Variants in BRAF observed in about 807,000 individuals in gnomAD.
BRAF encodes serine/threonine-protein kinase B-raf.
BRAF carries 16 observed loss-of-function variants against 104.6 expected under a neutral mutation model. That is an observed-to-expected ratio of 0.15 (90% CI 0.10 to 0.23). BRAF has a LOEUF of 0.23. Ranked by LOEUF, BRAF falls within the 10% of genes least tolerant of loss-of-function variation. BRAF has a pLI of 1.00. For missense variants in BRAF, 541 were observed against 937.3 expected (o/e 0.58, Z 5.52); for synonymous variants, 310 against 341.6 (o/e 0.91, Z 1.02).
At chr7:140,856,502 C>A (rs1809796299) in intron 1 of BRAF, among the ~76,000 whole-genome samples, 1 of 152,120 alleles carries the variant, frequency 6.6e-6, no homozygotes, top group African/African-American at 2.4e-5. Flanking sequence ...GGAAGAACAG[C>A]AAGCCTAAAG....
Position 140,898,074 on chromosome 7 carries a change from T to A in BRAF, c.138+26492A>T, listed in dbSNP as rs1000655819. ...TTCAAATTAGTTGGGCACAGTGGTG[T>A]GCATTTGTCCCAGTTACTTAGGCTG... is the stretch of plus-strand genomic sequence containing the variant. On this transcript the variant is annotated intron_variant, in intron 1 of 19. Transcript: ENST00000644969. Among the ~76,000 whole-genome samples, 4 of 152,134 alleles carry A rather than the reference T, an allele frequency of 2.6e-5. No individual in the cohort carries two copies. The East Asian group carries it at 7.7e-4, about 29-fold the overall frequency.
At chr7:140,907,198 T>C (rs1429875841) in intron 1 of BRAF, among the ~76,000 whole-genome samples, 1 of 152,304 alleles carries the variant, frequency 6.6e-6, no homozygotes, top group African/African-American at 2.4e-5. Context: ...TAGGTATATT[T>C]GGTAAAGTGT....
At chr7:140,851,426 T>C (rs1290090132) in intron 1 of BRAF, among the ~76,000 whole-genome samples, 2 of 152,150 alleles carry the variant, frequency 1.3e-5, no homozygotes, top group Non-Finnish European at 2.9e-5. Flanking sequence ...AATTTTTAAA[T>C]GTACTGGGAA....
rs147058840 is a variant in BRAF at position 140,848,969 on chromosome 7, T to C, written c.240+1142A>G. ...CTTAACTGGCCCTTCAAAAAGTAATTAAATTACTAAGTTACAAATTTAGTT... is the reference window on the plus strand; with the variant it reads ...CTTAACTGGCCCTTCAAAAAGTAATCAAATTACTAAGTTACAAATTTAGTT... On this transcript the variant is annotated intron_variant, in intron 2 of 19. Coordinates refer to ENST00000644969, the MANE Select transcript of BRAF (RefSeq NM_001374258.1). Among the ~76,000 whole-genome samples the C allele has an allele frequency of 6.2e-4, 94 of 152,348 alleles. 1 individual carries two copies. The East Asian group carries it at 0.018, about 28-fold the overall frequency.
chr7:140,849,758 G>A (rs1357009912), intron 2 of BRAF, among the ~76,000 whole-genome samples: 1 of 152,018 alleles, frequency 6.6e-6, no homozygotes, highest in Non-Finnish European at 1.5e-5. Flanking sequence ...GTTGTAGTGA[G>A]CTGAGATTGT....
At chr7:140,754,075 T>C (rs1798005713) in intron 15 of BRAF, 112 bp downstream of exon 14, 2 of 1,105,302 alleles carry the variant, frequency 1.8e-6, no homozygotes, top group East Asian at 4.8e-5. Context: ...TAATTCTCTT[T>C]ACAGTATATC....
At chr7:140,812,040 C>T (rs1804325917) in intron 3 of BRAF, among the ~76,000 whole-genome samples, 1 of 152,114 alleles carries the variant, frequency 6.6e-6, no homozygotes, top group African/African-American at 2.4e-5. Context: ...GTATCCTATC[C>T]TATGTTACCA....
chr7:140,729,190 G>A (rs1004181462), intron 19 of BRAF, among the ~76,000 whole-genome samples: 1 of 151,862 alleles, frequency 6.6e-6, no homozygotes, highest in African/African-American at 2.4e-5. Context: ...AGCCAGGATT[G>A]TACCACTGCA....
chr7:140,762,723 TC>T (rs1798875932), intron 14 of BRAF, among the ~76,000 whole-genome samples: 1 of 151,140 alleles, frequency 6.6e-6, no homozygotes, highest in Admixed American at 6.6e-5. Context: ...TGAACAAAGG[TC>T]TCTGGTTTTC....
intron 1 of BRAF, among the ~76,000 whole-genome samples, chr7:140,852,636 C>T (rs1809309685): frequency 6.7e-6 from 1 of 149,876 alleles, no homozygotes; most frequent in Non-Finnish European, 1.5e-5. Context: ...GCTACACTTA[C>T]TCCCTAGGTG....
chr7:140,801,310 T>C (rs1375800862), intron 6 of BRAF, 102 bp downstream of exon 6: 9 of 1,344,260 alleles, frequency 6.7e-6, no homozygotes, highest in Admixed American at 4.0e-5. Flanking sequence ...AACAATCGTA[T>C]GGAAGAAAAA....
chr7:140,919,887 G>A (rs1428927003), intron 1 of BRAF, among the ~76,000 whole-genome samples: 1 of 151,564 alleles, frequency 6.6e-6, no homozygotes, highest in Non-Finnish European at 1.5e-5. Flanking sequence ...TCTGTTGCCA[G>A]GCTAGAGTGC....
At chr7:140,800,624 A>G (rs1168610986) in intron 6 of BRAF, 143 bp from the exon 7 acceptor site, 2 of 1,372,534 alleles carry the variant, frequency 1.5e-6, no homozygotes, top group African/African-American at 2.9e-5. Flanking sequence ...ATTTTTGTCT[A>G]AAGGCTTATT....
chr7:140,855,603 T>C (rs1809689758), intron 1 of BRAF, among the ~76,000 whole-genome samples: 1 of 151,716 alleles, frequency 6.6e-6, no homozygotes. Flanking sequence ...AAAGAAAATG[T>C]AATTAAAATA....
At chr7:140,917,278 C>T (rs957109402) in intron 1 of BRAF, among the ~76,000 whole-genome samples, 1 of 152,168 alleles carries the variant, frequency 6.6e-6, no homozygotes, top group Non-Finnish European at 1.5e-5. Flanking sequence ...CCAGGCCAGT[C>T]TCAAACTCCT....
chr7:140,885,136 G>A (rs1449008264), intron 1 of BRAF, among the ~76,000 whole-genome samples: 2 of 151,980 alleles, frequency 1.3e-5, no homozygotes, highest in Non-Finnish European at 2.9e-5. Context: ...TCCGATTACA[G>A]GGACGGATTA....
intron 3 of BRAF, among the ~76,000 whole-genome samples, chr7:140,814,029 A>G (rs916594304): frequency 1.1e-4 from 16 of 152,200 alleles, no homozygotes; most frequent in Non-Finnish European, 2.9e-5. Context: ...ACCTGTGTAA[A>G]GGGAGGGAGG....
At position 140,757,956 on chromosome 7, in the gene BRAF, T is replaced by A. The variant is rs549547022; in HGVS notation, c.1815-3723A>T. 3 of 152,342 alleles carry A rather than the reference T, an allele frequency of 2.0e-5. No individual in the cohort carries two copies. In the South Asian group the frequency reaches 6.2e-4, roughly 32 times the overall value. 9.4% of individuals were successfully genotyped at this position (152,342 alleles called of 1,614,324 possible). ...TCCTTAAGAAAACAATGAGAGATTATCATTAAAATGCCTATTGATAATATT... is the reference window on the plus strand; with the variant it reads ...TCCTTAAGAAAACAATGAGAGATTAACATTAAAATGCCTATTGATAATATT... On this transcript the variant is annotated intron_variant, in intron 14 of 19. Coordinates refer to ENST00000644969, the MANE Select transcript of BRAF (RefSeq NM_001374258.1).
At chr7:140,805,627 C>T (rs1316184847) in intron 5 of BRAF, among the ~76,000 whole-genome samples, 1 of 151,866 alleles carries the variant, frequency 6.6e-6, no homozygotes, top group Non-Finnish European at 1.5e-5. Context: ...AATTTGCATG[C>T]ATTAATTTGT....
Sources: allele counts gnomAD v4.1 joint callset (sites outside exome capture counted in the v4.1 genomes callset), GRCh38; gene constraint gnomAD v4.1.1; transcripts MANE v1.5; gene names NCBI Gene and HGNC (gene_info 2026-07-23, HGNC 2026-07-21).